The following SP140 variants were observed in gnomAD, a reference collection of about 807,000 sequenced individuals.
SP140 encodes SP140 nuclear body protein.
SP140 carries 81 observed loss-of-function variants against 125.0 expected under a neutral mutation model. That is an observed-to-expected ratio of 0.65 (90% CI 0.54 to 0.78). The LOEUF (loss-of-function observed/expected upper bound fraction) is 0.78, where lower values mean the gene tolerates loss of function less well. Among genes scored for constraint, SP140 ranks in the 30% least tolerant of loss-of-function variants. The pLI, the probability that SP140 is intolerant of heterozygous loss-of-function variation, is 0.00. For synonymous variants in SP140, 312 were observed against 354.0 expected (o/e 0.88, Z 1.33); for missense variants, 858 against 1,037.0 (o/e 0.83, Z 2.37).
chr2:230,212,870 C>A (rs1559177949), intron 1 of SP140: 1 of 1,614,094 alleles, frequency 6.2e-7, no homozygotes, highest in South Asian at 1.1e-5. Flanking sequence ...ATGTTCCAGG[C>A]TCACTGACTC....
intron 3 of SP140, chr2:230,239,059 A>G: frequency 3.6e-6 from 5 of 1,403,314 alleles, no homozygotes; most frequent in Non-Finnish European, 4.6e-6. Context: ...GAAGGAATAA[A>G]GGGCATTTAA....
chr2:230,214,822 A>G, intron 3 of SP140: 1 of 772,096 alleles, frequency 1.3e-6, no homozygotes, highest in Non-Finnish European at 2.3e-6. Flanking sequence ...CAATGAGAGA[A>G]TATGGTCCAT....
chr2:230,209,841 A>ACAAGAGACT, intron 1 of SP140: 2 of 812,500 alleles, frequency 2.5e-6, no homozygotes. Context: ...GTGGTCACAT[A>ACAAGAGACT]GTGGTGCTCT....
intron 1 of SP140, among the ~76,000 whole-genome samples, chr2:230,229,977 T>C (rs1472488257): frequency 6.6e-6 from 1 of 152,168 alleles, no homozygotes; most frequent in Non-Finnish European, 1.5e-5. Context: ...CAATATTTTC[T>C]CTGTCTTTCG....
chr2:230,193,809 T>A, the SP140 span, among the ~76,000 whole-genome samples: 1 of 152,182 alleles, frequency 6.6e-6, no homozygotes, highest in Non-Finnish European at 1.5e-5. Flanking sequence ...CTTGCTAGAA[T>A]TGAGAAGCCA....
intron 22 of SP140, among the ~76,000 whole-genome samples, chr2:230,299,828 T>C (rs1469119473): frequency 3.9e-5 from 6 of 152,114 alleles, no homozygotes; most frequent in African/African-American, 1.2e-4. Context: ...GGGTGAAGCC[T>C]GTCACTGCCG....
At chr2:230,257,041 C>T (rs1214148467) in intron 12 of SP140, among the ~76,000 whole-genome samples, 3 of 152,012 alleles carry the variant, frequency 2.0e-5, no homozygotes, top group Non-Finnish European at 4.4e-5. Context: ...AAAGAAAGAG[C>T]AGAGACCAGT....
At position 230,312,590 on chromosome 2, in the gene SP140, A is replaced by C. The variant is rs1277776082; in HGVS notation, c.2510A>C (p.Lys837Thr). Reference sequence around the variant, plus strand: ...TTGTCTTTATTATTTTTTCAGTACAAGGATTTTGGCCAAATGGGATTTAGA... The same window carrying C: ...TTGTCTTTATTATTTTTTCAGTACACGGATTTTGGCCAAATGGGATTTAGA... ...FQNHRASYKY[K>T]DFGQMGFRLE... Residue 837 changes from lysine (K) to threonine (T), a missense_variant, in exon 27 of 27, where the codon AAG (lysine) becomes ACG (threonine). Physicochemically the swap from Lys to Thr is moderately conservative, Grantham distance 78 (BLOSUM62 -1). This residue lies in a region of SP140 where 43 missense variants were observed against 35.1 expected (regional missense o/e 1.23). Transcript: ENST00000392045. 1.2e-6 allele frequency: 2 copies of C among 1,606,014 alleles called. No individual in the cohort carries two copies. The highest frequency in any genetic ancestry group is 2.2e-5 in the South Asian group (2 of 90,584).
chr2:230,300,684 T>C (rs2058206654), intron 22 of SP140, among the ~76,000 whole-genome samples: 1 of 152,134 alleles, frequency 6.6e-6, no homozygotes, highest in African/African-American at 2.4e-5. Context: ...TCCTCTAACG[T>C]AGTCTACCCA....
At chr2:230,203,258 T>C (rs1026540631) in exon 1 of SP140, 2 of 173,604 alleles carry the variant, frequency 1.2e-5, no homozygotes, top group Non-Finnish European at 2.5e-5. Context: ...CCAGAGGAGG[T>C]GCAATGCCAG....
chr2:230,217,502 A>G (rs1342608749), intron 3 of SP140, among the ~76,000 whole-genome samples: 2 of 152,212 alleles, frequency 1.3e-5, no homozygotes, highest in Non-Finnish European at 2.9e-5. Context: ...AAGGTATTAA[A>G]AGTAGCTAAT....
At chr2:230,188,744 CT>C in the SP140 span, among the ~76,000 whole-genome samples, 1 of 152,084 alleles carries the variant, frequency 6.6e-6, no homozygotes. Flanking sequence ...TTGAAATGAT[CT>C]ATGGTTTTTA....
intron 12 of SP140, among the ~76,000 whole-genome samples, chr2:230,265,795 G>GC (rs2053021815): frequency 9.7e-6 from 1 of 103,058 alleles, no homozygotes. Context: ...TTTTACGGGG[G>GC]GGGGCGGTCT....
At chr2:230,220,187 G>A (rs7581442) in intron 3 of SP140, 235,233 of 508,036 alleles carry the variant, frequency 0.46, 54,264 homozygotes, top group South Asian at 0.49. Context: ...GCCCAGAGAG[G>A]GAGGTATGGG....
In SP140 at chr2:230,312,740, G is replaced by A; in HGVS notation, c.*56G>A. On this transcript the variant is annotated 3_prime_UTR_variant, in exon 27 of 27. Transcript: ENST00000392045. ...AAATGGCACCCTAAAATATGCCGCT[G>A]GTTTGCCACTGACTTCAAAATGAGG... 3.0e-6 allele frequency: 4 copies of A among 1,327,956 alleles called. No homozygotes were observed. Among genetic ancestry groups the A allele is most frequent in the African/African-American group, 1.4e-5 (1 of 69,134 alleles). The allele number at this position is 1,327,956 out of a possible 1,614,324, so 82.3% of individuals were successfully genotyped here.
At chr2:230,302,163 A>G (rs948392258) in intron 22 of SP140, among the ~76,000 whole-genome samples, 1 of 152,028 alleles carries the variant, frequency 6.6e-6, no homozygotes, top group African/African-American at 2.4e-5. Flanking sequence ...AGGTGGGTGG[A>G]TCACAAGGTC....
At chr2:230,266,279 A>G (rs550231959) in intron 12 of SP140, among the ~76,000 whole-genome samples, 2 of 152,288 alleles carry the variant, frequency 1.3e-5, no homozygotes, top group East Asian at 3.9e-4. Context: ...TTGTTTTACA[A>G]ACTTGGAGTT....
chr2:230,260,801 G>C (rs976877379), intron 12 of SP140, among the ~76,000 whole-genome samples: 3 of 152,046 alleles, frequency 2.0e-5, no homozygotes, highest in Non-Finnish European at 4.4e-5. Flanking sequence ...ATTGGTCTAC[G>C]TCTATTTTTG....
Position 230,286,398 on chromosome 2 carries a change from T to G in SP140, c.1645+566T>G, listed in dbSNP as rs140820100. ...ACATGGTCAGTGTCTTCTCTTATTC[T>G]GTCTTGGCCCTACCCCCACTCCATA... On this transcript the variant is annotated intron_variant, in intron 17 of 26. Coordinates refer to ENST00000392045, the MANE Select transcript of SP140 (RefSeq NM_007237.5). 1.0e-3 allele frequency among the ~76,000 whole-genome samples: 152 copies of G among 152,330 alleles called. No homozygotes were observed. The East Asian group carries it at 0.028, about 28-fold the overall frequency.
Sources: gnomAD v4.1 joint callset for allele counts (sites outside exome capture counted in the v4.1 genomes callset) on GRCh38, gnomAD v4.1.1 for gene constraint, gnomAD v4.1.1 regional missense constraint, MANE v1.5 for transcripts, NCBI Gene and HGNC (gene_info 2026-07-23, HGNC 2026-07-21) for gene names.